The following FGGY variants were observed in gnomAD, a reference collection of about 807,000 sequenced individuals.
FGGY encodes FGGY carbohydrate kinase domain containing.
A neutral mutation model predicts 71.3 loss-of-function variants in FGGY; 72 were observed. The observed-to-expected ratio is 1.01, with a 90% CI of 0.84 to 1.23. The LOEUF (loss-of-function observed/expected upper bound fraction) is 1.23, where lower values mean the gene tolerates loss of function less well. Ranked by LOEUF, FGGY falls within the 50% of genes most tolerant of loss-of-function variation. FGGY has a pLI of 0.00. For missense variants in FGGY, 668 were observed against 682.3 expected, an observed-to-expected ratio of 0.98 and a Z score of 0.23; for synonymous variants, 251 against 250.3, an observed-to-expected ratio of 1.00 and a Z score of -0.02.
At chr1:59,354,524 C>A (rs1161956744) in intron 4 of FGGY, among the ~76,000 whole-genome samples, 1 of 152,232 alleles carries the variant, frequency 6.6e-6, no homozygotes, top group Non-Finnish European at 1.5e-5. Flanking sequence ...TTTTGCTCTA[C>A]TGCCTCTTTC....
intron 5 of FGGY, among the ~76,000 whole-genome samples, 185 bp downstream of exon 5, chr1:59,379,022 T>C (rs955750539): frequency 1.3e-5 from 2 of 152,154 alleles, no homozygotes; most frequent in African/African-American, 4.8e-5. Context: ...CTGTTGTTCC[T>C]AAGAGCCCTG....
intron 10 of FGGY, among the ~76,000 whole-genome samples, chr1:59,633,212 G>A (rs778573133): frequency 1.1e-4 from 16 of 151,934 alleles, no homozygotes; most frequent in African/African-American, 3.6e-4. Flanking sequence ...GGGTTTCACC[G>A]TGTTAGCCAG....
intron 6 of FGGY, among the ~76,000 whole-genome samples, chr1:59,485,350 T>A (rs6693119): frequency 4.6e-5 from 7 of 152,094 alleles, no homozygotes; most frequent in African/African-American, 1.7e-4. Context: ...ATGTGTCCTG[T>A]GGGATTCCTG....
At chr1:59,711,337 G>A (rs2097792576) in intron 14 of FGGY, among the ~76,000 whole-genome samples, 1 of 152,148 alleles carries the variant, frequency 6.6e-6, no homozygotes, top group Non-Finnish European at 1.5e-5. Flanking sequence ...AATACCTAAT[G>A]TAGACAACGG....
intron 14 of FGGY, among the ~76,000 whole-genome samples, chr1:59,677,384 G>A (rs901613065): frequency 6.6e-6 from 1 of 152,262 alleles, no homozygotes; most frequent in South Asian, 2.1e-4. Flanking sequence ...ATCTTCTCAT[G>A]GACCACACAT....
At chr1:59,733,388 T>C (rs917532835) in intron 14 of FGGY, 9 of 153,296 alleles carry the variant, frequency 5.9e-5, no homozygotes, top group Non-Finnish European at 2.9e-5. Flanking sequence ...CTGTATTGAT[T>C]GTCCAGTGCT....
At chr1:59,758,045 C>T in intron 15 of FGGY, 53 bp downstream of exon 15, 1 of 1,224,110 alleles carries the variant, frequency 8.2e-7, no homozygotes, top group South Asian at 1.3e-5. Flanking sequence ...CACATACACA[C>T]ACACATGCAA....
chr1:59,679,565 G>C (rs1330439173), intron 14 of FGGY, among the ~76,000 whole-genome samples: 1 of 151,284 alleles, frequency 6.6e-6, no homozygotes, highest in African/African-American at 2.4e-5. Flanking sequence ...ATTAAGATGA[G>C]TGAAAATATG....
chr1:59,527,400 G>T (rs1466498004), intron 7 of FGGY, among the ~76,000 whole-genome samples: 2 of 152,140 alleles, frequency 1.3e-5, no homozygotes, highest in African/African-American at 4.8e-5. Context: ...AGTGTTTCAC[G>T]ATCACTGTTT....
At chr1:59,348,524 A>C (rs1366422190) in intron 4 of FGGY, among the ~76,000 whole-genome samples, 3 of 152,124 alleles carry the variant, frequency 2.0e-5, no homozygotes, top group Admixed American at 2.0e-4. Context: ...GGGAATCTCA[A>C]GGACTTGAAA....
intron 8 of FGGY, among the ~76,000 whole-genome samples, chr1:59,565,516 C>T (rs897685267): frequency 6.6e-6 from 1 of 152,196 alleles, no homozygotes; most frequent in African/African-American, 2.4e-5. Flanking sequence ...GATCTCCTGA[C>T]ATTGTGATCC....
At chr1:59,452,238 C>G (rs182197083) in intron 5 of FGGY, among the ~76,000 whole-genome samples, 20 of 152,084 alleles carry the variant, frequency 1.3e-4, no homozygotes, top group Admixed American at 1.2e-3. Flanking sequence ...CTTGTAGTAG[C>G]AAAGTGGGAG....
At chr1:59,685,801 C>A (rs2097539512) in intron 14 of FGGY, among the ~76,000 whole-genome samples, 1 of 152,126 alleles carries the variant, frequency 6.6e-6, no homozygotes, top group African/African-American at 2.4e-5. Flanking sequence ...ATTGCCCAGG[C>A]TGGAGCGCAG....
chr1:59,586,223 T>C (rs1475983166), intron 8 of FGGY, among the ~76,000 whole-genome samples: 2 of 152,174 alleles, frequency 1.3e-5, no homozygotes, highest in Admixed American at 6.5e-5. Context: ...ATGTTTATTG[T>C]GGCACTATTC....
chr1:59,412,175 A>G (rs2153427801), intron 5 of FGGY, among the ~76,000 whole-genome samples: 1 of 152,296 alleles, frequency 6.6e-6, no homozygotes, highest in South Asian at 2.1e-4. Context: ...GTATAAGCTG[A>G]CAGTACCTCA....
chr1:59,690,614 T>C (rs1179232391), intron 14 of FGGY, among the ~76,000 whole-genome samples: 1 of 152,140 alleles, frequency 6.6e-6, no homozygotes, highest in Non-Finnish European at 1.5e-5. Flanking sequence ...AGCTTCCATA[T>C]AAGGGTCCAA....
At chr1:59,660,054 A>T (rs2097260091) in intron 11 of FGGY, among the ~76,000 whole-genome samples, 165 bp from the exon 12 acceptor site, 1 of 152,180 alleles carries the variant, frequency 6.6e-6, no homozygotes, top group African/African-American at 2.4e-5. Flanking sequence ...AGGTCTGGAG[A>T]TTAAACAACT....
chr1:59,544,795 C>T (rs941234805), intron 7 of FGGY, among the ~76,000 whole-genome samples: 3 of 152,296 alleles, frequency 2.0e-5, no homozygotes, highest in Non-Finnish European at 2.9e-5. Flanking sequence ...GACTTCAGAC[C>T]CAGAACTTTA....
At chr1:59,569,984 G>T (rs1175841572) in intron 8 of FGGY, among the ~76,000 whole-genome samples, 6 of 152,120 alleles carry the variant, frequency 3.9e-5, no homozygotes, top group Admixed American at 3.9e-4. Context: ...GTGAATGTCT[G>T]GTTCATTGCA....
Sources: allele counts gnomAD v4.1 joint callset (sites outside exome capture counted in the v4.1 genomes callset), GRCh38; gene constraint gnomAD v4.1.1; transcripts MANE v1.5; gene names NCBI Gene and HGNC (gene_info 2026-07-23, HGNC 2026-07-21).